The following BCL11B variants were observed in gnomAD, a reference collection of about 807,000 sequenced individuals.
BCL11B encodes BCL11 transcription factor B.
A neutral mutation model predicts 49.9 loss-of-function variants in BCL11B; 8 were observed. The observed-to-expected ratio is 0.16, with a 90% confidence interval of 0.09 to 0.29. The LOEUF is 0.29. BCL11B is among the 10% of genes least tolerant of loss of function. BCL11B has a pLI of 1.00. For synonymous variants in BCL11B, 739 were observed against 637.4 expected (o/e 1.16, Z -2.40); for missense variants, 1,006 against 1,351.0 (o/e 0.74, Z 4.00).
At chr14:99,224,549 T>C (rs571148547) in intron 3 of BCL11B, among the ~76,000 whole-genome samples, 9 of 152,286 alleles carry the variant, frequency 5.9e-5, no homozygotes, top group African/African-American at 2.2e-4. Context: ...GGGGTGCCGA[T>C]TACCCAAGGC....
At position 99,175,478 on chromosome 14, in the gene BCL11B, T is replaced by C; in HGVS notation, c.1358A>G (p.Lys453Arg). Reference sequence around the variant, plus strand: ...GTCGCACAGCTGGCACTTGTAGGGCTTCTCGCCCGTGTGACTGCGCCGGTG... The same window carrying C: ...GTCGCACAGCTGGCACTTGTAGGGCCTCTCGCCCGTGTGACTGCGCCGGTG... The part of the protein sequence containing the change: ...IVHRRSHTGE[K>R]PYKCQLCDHA... Residue 453 changes from lysine (K) to arginine (R), a missense_variant, in exon 4 of 4, where the codon AAG (lysine) becomes AGG (arginine). Around this residue, in one of 6 missense-constraint regions of BCL11B, gnomAD observed 15 missense variants for 75.3 expected, o/e 0.20. Transcript: ENST00000357195. 1 of 1,611,264 alleles carries C rather than the reference T, an allele frequency of 6.2e-7. No individual in the cohort carries two copies. The highest frequency in any genetic ancestry group is 8.5e-7 in the Non-Finnish European group (1 of 1,178,662).
intron 3 of BCL11B, among the ~76,000 whole-genome samples, chr14:99,179,012 T>C (rs767114991): frequency 6.6e-6 from 1 of 152,164 alleles, no homozygotes; most frequent in African/African-American, 2.4e-5. Flanking sequence ...GGAAAGAACA[T>C]GGCTATCAGA....
At chr14:99,180,308 T>A (rs1041399509) in intron 3 of BCL11B, among the ~76,000 whole-genome samples, 9 of 152,202 alleles carry the variant, frequency 5.9e-5, no homozygotes, top group Non-Finnish European at 1.0e-4. Flanking sequence ...GCTCACTAAG[T>A]CACGCTTGGC....
intron 3 of BCL11B, among the ~76,000 whole-genome samples, chr14:99,226,338 C>T (rs1183878405): frequency 6.6e-6 from 1 of 152,180 alleles, no homozygotes; most frequent in Admixed American, 6.5e-5. Context: ...TGTCCACACA[C>T]GCTCACTCAC....
intron 2 of BCL11B, among the ~76,000 whole-genome samples, chr14:99,250,588 AT>A (rs1211221301): frequency 1.3e-5 from 2 of 152,304 alleles, no homozygotes; most frequent in Admixed American, 6.5e-5. Flanking sequence ...CTGGTGGTTA[AT>A]TCATTAGCCA....
chr14:99,187,365 A>G (rs1236652572), intron 3 of BCL11B, among the ~76,000 whole-genome samples: 1 of 152,220 alleles, frequency 6.6e-6, no homozygotes, highest in Non-Finnish European at 1.5e-5. Flanking sequence ...CCGCCTTCGG[A>G]TAAGGCACAG....
chr14:99,237,088 T>C (rs998926358), intron 2 of BCL11B, among the ~76,000 whole-genome samples: 9 of 150,928 alleles, frequency 6.0e-5, no homozygotes, highest in African/African-American at 2.2e-4. Context: ...AGAGGGGGAG[T>C]GGCTGAGACA....
At chr14:99,179,201 C>T (rs1054842205) in intron 3 of BCL11B, among the ~76,000 whole-genome samples, 1 of 152,130 alleles carries the variant, frequency 6.6e-6, no homozygotes, top group Non-Finnish European at 1.5e-5. Flanking sequence ...TGGCTGGGCA[C>T]GGTGGCTCAC....
intron 2 of BCL11B, among the ~76,000 whole-genome samples, chr14:99,240,777 G>A (rs1370940825): frequency 6.6e-6 from 1 of 152,184 alleles, no homozygotes; most frequent in Non-Finnish European, 1.5e-5. Context: ...CACTTCGCGG[G>A]ACTAATTTAA....
At chr14:99,238,600 T>C (rs1210668842) in intron 2 of BCL11B, among the ~76,000 whole-genome samples, 4 of 152,062 alleles carry the variant, frequency 2.6e-5, no homozygotes, top group Admixed American at 2.6e-4. Context: ...TGGAGGGGGC[T>C]GGCCGTTCCA....
chr14:99,225,045 C>T (rs1323609763), intron 3 of BCL11B, among the ~76,000 whole-genome samples: 1 of 152,190 alleles, frequency 6.6e-6, no homozygotes, highest in Non-Finnish European at 1.5e-5. Context: ...CGTGGGGCTC[C>T]TCAACATCAG....
In BCL11B at chr14:99,267,550, C is replaced by CG. The variant is rs1428168203; in HGVS notation, c.58+3610_58+3611insC. ...CAGAAGGGAGAGGAACTTCACCCCC[C>CG]CCCCACCAACTAACCAAAAAAAAAA... On this transcript the variant is annotated intron_variant, in intron 1 of 3. Coordinates refer to ENST00000357195, the MANE Select transcript of BCL11B (RefSeq NM_138576.4). Among the ~76,000 whole-genome samples, 148 of 149,842 alleles carry CG rather than the reference C, an allele frequency of 9.9e-4. 1 individual carries two copies. The highest frequency in any genetic ancestry group is 3.4e-3 in the African/African-American group (136 of 40,468).
chr14:99,199,683 T>TGTGTGC lies in BCL11B; in HGVS notation c.641-23489_641-23488insGCACAC, dbSNP rs759599743. Among the ~76,000 whole-genome samples the TGTGTGC allele has an allele frequency of 4.2e-3, 313 of 73,704 alleles. 3 individuals carry two copies. Among genetic ancestry groups the TGTGTGC allele is most frequent in the Middle Eastern group, 5.8e-3 (1 of 172 alleles). The allele number at this position is 73,704 out of a possible 152,430, so 48.4% of individuals were successfully genotyped here. Reference sequence around the variant, plus strand: ...GTGTGTGTGTGTGTGTGTGTGTGTGTGCGCGCGCGCGCGCACGTGCACGTG... The same window carrying TGTGTGC: ...GTGTGTGTGTGTGTGTGTGTGTGTGTGTGTGCGCGCGCGCGCGCGCACGTGCACGTG... On this transcript the variant is annotated intron_variant, in intron 3 of 3. Coordinates refer to ENST00000357195, the MANE Select transcript of BCL11B (RefSeq NM_138576.4).
intron 3 of BCL11B, among the ~76,000 whole-genome samples, chr14:99,189,901 G>A (rs117879425): frequency 6.6e-6 from 1 of 152,192 alleles, no homozygotes; most frequent in African/African-American, 2.4e-5. Flanking sequence ...AGAGGTCCAG[G>A]CCCAGGGGAG....
chr14:99,237,935 G>A (rs1888552214), intron 2 of BCL11B, among the ~76,000 whole-genome samples: 1 of 152,024 alleles, frequency 6.6e-6, no homozygotes, highest in Non-Finnish European at 1.5e-5. Context: ...CCAGGCTGCA[G>A]GAAGTGAGGT....
At position 99,271,321 on chromosome 14, in the gene BCL11B, G is replaced by GCTGCCGCCT. The variant is rs2139986810; in HGVS notation, c.-104_-103insAGGCGGCAG. On this transcript the variant is annotated 5_prime_UTR_variant, in exon 1 of 4. Coordinates refer to ENST00000357195, the MANE Select transcript of BCL11B (RefSeq NM_138576.4). ...CCGCGCCGCTGCCGCCGCTGCCGCC[G>GCTGCCGCCT]CCGCCGCCGCCGCCGCACCTCCTCC... 1.3e-6 allele frequency: 1 copy of GCTGCCGCCT among 753,572 alleles called. No individual in the cohort carries two copies. Among genetic ancestry groups the GCTGCCGCCT allele is most frequent in the Non-Finnish European group, 1.8e-6 (1 of 566,820 alleles). 46.7% of individuals were successfully genotyped at this position (753,572 alleles called of 1,614,324 possible).
chr14:99,226,267 G>A (rs532235700), intron 3 of BCL11B, among the ~76,000 whole-genome samples: 3 of 152,260 alleles, frequency 2.0e-5, no homozygotes, highest in South Asian at 2.1e-4. Flanking sequence ...AACAACAAAC[G>A]TTACTTTGCA....
In BCL11B at chr14:99,184,112, G is replaced by A. The variant is rs1859568707; in HGVS notation, c.641-7917C>T. Among the ~76,000 whole-genome samples the A allele has an allele frequency of 6.6e-6, 1 of 151,944 alleles. No individual in the cohort carries two copies. Among genetic ancestry groups the A allele is most frequent in the African/African-American group, 2.4e-5 (1 of 41,342 alleles). ...ATGTATCAGGCACCCCAGCCTTTGG[G>A]ATCCGGTCCCACTTGCTGCCTGCCT... On this transcript the variant is annotated intron_variant, in intron 3 of 3. Transcript: ENST00000357195. The surrounding 1 kb of genome is among the most constrained non-coding windows in gnomAD (Gnocchi z 6.1).
chr14:99,192,183 G>A lies in BCL11B; in HGVS notation c.641-15988C>T, dbSNP rs1031910111. On this transcript the variant is annotated intron_variant, in intron 3 of 3. Coordinates refer to ENST00000357195, the MANE Select transcript of BCL11B (RefSeq NM_138576.4). This position sits in a 1 kb window ranked among gnomAD's most constrained non-coding sequence, Gnocchi z 4.0. ...GCAGCAGTGCTGGCTCCACTGGACGGAATGCGTGTGTTTTGCTTGGCGGCT... is the reference window on the plus strand; with the variant it reads ...GCAGCAGTGCTGGCTCCACTGGACGAAATGCGTGTGTTTTGCTTGGCGGCT... Among the ~76,000 whole-genome samples the A allele has an allele frequency of 8.5e-5, 13 of 152,310 alleles. No homozygotes were observed. In the East Asian group the frequency reaches 2.5e-3, roughly 29 times the overall value.
Sources: allele counts gnomAD v4.1 joint callset (sites outside exome capture counted in the v4.1 genomes callset), GRCh38; gene constraint gnomAD v4.1.1; regional missense constraint gnomAD v4.1.1; non-coding constraint Gnocchi (gnomAD v3.1); transcripts MANE v1.5; gene names NCBI Gene and HGNC (gene_info 2026-07-23, HGNC 2026-07-21).